The following SLC4A7 variants were observed in gnomAD, a reference collection of about 807,000 sequenced individuals.
SLC4A7 encodes sodium bicarbonate cotransporter 3.
In SLC4A7, 51 loss-of-function variants were observed where a neutral mutation model predicts 137.6. The ratio of observed to expected loss-of-function variants is 0.37; its 90% CI spans 0.30 to 0.47. The LOEUF is 0.47. Among genes scored for constraint, SLC4A7 ranks in the 20% least tolerant of loss-of-function variants. The pLI is 1.00. For missense variants in SLC4A7, 1,247 were observed against 1,525.4 expected, an observed-to-expected ratio of 0.82 and a Z score of 3.04; for synonymous variants, 542 against 518.6, an observed-to-expected ratio of 1.05 and a Z score of -0.61.
chr3:27,410,321 C>A (rs969315763), intron 12 of SLC4A7, among the ~76,000 whole-genome samples: 6 of 152,072 alleles, frequency 3.9e-5, no homozygotes, highest in Non-Finnish European at 5.9e-5. Flanking sequence ...AGAACACTAC[C>A]TGGGAAATAG....
At chr3:27,426,556 T>C (rs986146294) in intron 7 of SLC4A7, among the ~76,000 whole-genome samples, 2 of 152,106 alleles carry the variant, frequency 1.3e-5, no homozygotes, top group African/African-American at 2.4e-5. Context: ...TTTTCCAGAA[T>C]AGTCCTAGCT....
chr3:27,429,239 C>T (rs1453560506), intron 7 of SLC4A7, among the ~76,000 whole-genome samples: 2 of 152,000 alleles, frequency 1.3e-5, no homozygotes, highest in African/African-American at 4.8e-5. Flanking sequence ...GCACTCCAGC[C>T]TGGCGACAAA....
At chr3:27,443,024 C>CTTTTTTTTTTTTTTTT (rs1156950293) in intron 3 of SLC4A7, among the ~76,000 whole-genome samples, 1 of 102,142 alleles carries the variant, frequency 9.8e-6, no homozygotes, top group African/African-American at 3.7e-5. Context: ...TCTCTTTTTT[C>CTTTTTTTTTTTTTTTT]TTTTTTTCTT....
chr3:27,428,640 T>C (rs550736637), intron 7 of SLC4A7, among the ~76,000 whole-genome samples: 2 of 152,272 alleles, frequency 1.3e-5, no homozygotes, highest in Admixed American at 6.5e-5. Context: ...CAGTTACTAG[T>C]TGTATGATGC....
At chr3:27,427,598 G>C (rs1304155250) in intron 7 of SLC4A7, among the ~76,000 whole-genome samples, 1 of 152,060 alleles carries the variant, frequency 6.6e-6, no homozygotes, top group Non-Finnish European at 1.5e-5. Flanking sequence ...CATGGTGTTA[G>C]TCGCTTGAGA....
At chr3:27,418,423 C>G in intron 11 of SLC4A7, 63 bp downstream of exon 11, 1 of 1,393,946 alleles carries the variant, frequency 7.2e-7, no homozygotes, top group Non-Finnish European at 9.8e-7. Context: ...TTGAATCACA[C>G]CTAATCAAAA....
intron 12 of SLC4A7, among the ~76,000 whole-genome samples, chr3:27,410,248 C>G (rs1459779103): frequency 6.6e-6 from 1 of 152,070 alleles, no homozygotes; most frequent in Non-Finnish European, 1.5e-5. Flanking sequence ...GAAGACATTC[C>G]AATAAAATAT....
intron 1 of SLC4A7, among the ~76,000 whole-genome samples, chr3:27,468,918 G>A (rs2059122359): frequency 6.6e-6 from 1 of 151,942 alleles, no homozygotes; most frequent in African/African-American, 2.4e-5. Context: ...GACCAGCCTG[G>A]CCATCACGCA....
At chr3:27,432,641 G>C (rs7648024) in intron 6 of SLC4A7, among the ~76,000 whole-genome samples, 1 of 152,152 alleles carries the variant, frequency 6.6e-6, no homozygotes, top group East Asian at 1.9e-4. Flanking sequence ...AATCCATTAG[G>C]AAACACCATT....
intron 12 of SLC4A7, among the ~76,000 whole-genome samples, chr3:27,410,637 T>C (rs2053812465): frequency 6.6e-6 from 1 of 152,194 alleles, no homozygotes; most frequent in Non-Finnish European, 1.5e-5. Context: ...AATTACTTAA[T>C]AGAGGGCATA....
chr3:27,403,222 G>A lies in SLC4A7; in HGVS notation c.2238C>T (p.Tyr746=), dbSNP rs144859662. 44 of 1,613,846 alleles carry A rather than the reference G, an allele frequency of 2.7e-5. No individual in the cohort carries two copies. Among genetic ancestry groups the A allele is most frequent in the African/African-American group, 1.7e-4 (13 of 75,006 alleles). The change falls in exon 15 of 26, where the codon TAC becomes TAT. Residue 746 remains tyrosine (Y), a synonymous_variant. Coordinates refer to ENST00000454389, the MANE Select transcript of SLC4A7 (RefSeq NM_001321103.2). ...FAALICIIFI[Y]EALEKLFDLG... ...AATCAAAGAGCTTCTCCAAAGCCTCGTAGATGAATATGATGCAAATAAGGG... is the reference window on the plus strand; with the variant it reads ...AATCAAAGAGCTTCTCCAAAGCCTCATAGATGAATATGATGCAAATAAGGG...
At chr3:27,424,985 C>T (rs1485729258) in intron 7 of SLC4A7, among the ~76,000 whole-genome samples, 2 of 152,182 alleles carry the variant, frequency 1.3e-5, no homozygotes, top group Admixed American at 6.5e-5. Context: ...ACATTCAACA[C>T]CAACATTTCG....
intron 18 of SLC4A7, among the ~76,000 whole-genome samples, chr3:27,397,042 T>C (rs2052246154): frequency 6.6e-6 from 1 of 152,180 alleles, no homozygotes; most frequent in Admixed American, 6.5e-5. Flanking sequence ...TACTTTTTTT[T>C]TTTGAGATGG....
chr3:27,465,575 A>G (rs952954447), intron 1 of SLC4A7, among the ~76,000 whole-genome samples: 1 of 152,140 alleles, frequency 6.6e-6, no homozygotes, highest in South Asian at 2.1e-4. Context: ...AATTCAGGAA[A>G]AAGAAATACT....
chr3:27,445,947 AAAAAAAAAAAAAAAAAAT>A (rs1311653348), intron 3 of SLC4A7, among the ~76,000 whole-genome samples: 164 of 31,496 alleles, frequency 5.2e-3, no homozygotes, highest in South Asian at 0.026. Flanking sequence ...AAAAAAAAAA[AAAAAAAAAAAAAAAAAAT>A]ATATATATAT....
At chr3:27,447,492 G>A (rs1305991462) in intron 3 of SLC4A7, among the ~76,000 whole-genome samples, 4 of 151,942 alleles carry the variant, frequency 2.6e-5, no homozygotes, top group South Asian at 4.1e-4. Context: ...GCATGCAACC[G>A]CCTATAGGAT....
At chr3:27,422,914 C>A in intron 8 of SLC4A7, 3 of 402,628 alleles carry the variant, frequency 7.5e-6, no homozygotes, top group Middle Eastern at 3.5e-4. Flanking sequence ...GACAGAGGAA[C>A]AAAAATAAAC....
At chr3:27,423,369 G>C (rs1031389079) in intron 8 of SLC4A7, among the ~76,000 whole-genome samples, 2 of 152,058 alleles carry the variant, frequency 1.3e-5, no homozygotes, top group Non-Finnish European at 2.9e-5. Flanking sequence ...TGGCTAGATA[G>C]AATCAATTGT....
intron 16 of SLC4A7, among the ~76,000 whole-genome samples, chr3:27,398,593 C>T (rs912068642): frequency 2.0e-5 from 3 of 152,152 alleles, no homozygotes; most frequent in African/African-American, 7.2e-5. Context: ...CACTAAAATA[C>T]AGTATTTTGC....
Sources: allele counts gnomAD v4.1 joint callset (sites outside exome capture counted in the v4.1 genomes callset), GRCh38; gene constraint gnomAD v4.1.1; transcripts MANE v1.5; gene names NCBI Gene and HGNC (gene_info 2026-07-23, HGNC 2026-07-21).